Variants in CDH13 observed in about 807,000 individuals in gnomAD.
CDH13 encodes the protein cadherin-13.
CDH13 carries 24 observed loss-of-function variants against 63.8 expected under a neutral mutation model. The observed-to-expected ratio is 0.38, with a 90% CI of 0.27 to 0.53. The LOEUF is 0.53. CDH13 is among the 20% of genes least tolerant of loss of function. CDH13 has a pLI of 0.85. For synonymous variants in CDH13, 503 were observed against 355.3 expected (o/e 1.42, Z -4.67); for missense variants, 1,049 against 903.1 (o/e 1.16, Z -2.07).
chr16:83,660,550 C>T (rs1386581712), intron 8 of CDH13, among the ~76,000 whole-genome samples: 1 of 152,142 alleles, frequency 6.6e-6, no homozygotes, highest in Admixed American at 6.5e-5. Flanking sequence ...TCTGTGTGGC[C>T]CGGTTACTAA....
intron 7 of CDH13, among the ~76,000 whole-genome samples, chr16:83,548,792 G>T (rs1254688154): frequency 6.6e-6 from 1 of 151,842 alleles, no homozygotes; most frequent in Non-Finnish European, 1.5e-5. Flanking sequence ...CCAACCCCCT[G>T]CCTTCCAATA....
At chr16:82,649,807 C>T (rs913194830) in intron 1 of CDH13, among the ~76,000 whole-genome samples, 4 of 152,164 alleles carry the variant, frequency 2.6e-5, no homozygotes, top group African/African-American at 9.7e-5. Flanking sequence ...ACTCCGCTGC[C>T]CTGTAACCTT....
At chr16:82,851,399 C>T (rs915512608) in intron 1 of CDH13, among the ~76,000 whole-genome samples, 1 of 148,344 alleles carries the variant, frequency 6.7e-6, no homozygotes, top group African/African-American at 2.5e-5. Context: ...TGCACCTCTG[C>T]ACTCCAGCCT....
chr16:83,594,339 G>A (rs1196190584), intron 7 of CDH13, among the ~76,000 whole-genome samples: 1 of 152,214 alleles, frequency 6.6e-6, no homozygotes, highest in African/African-American at 2.4e-5. Context: ...CTTTACAGAT[G>A]AGGAAATGGA....
intron 6 of CDH13, among the ~76,000 whole-genome samples, chr16:83,359,848 T>A (rs2091129116): frequency 6.6e-6 from 1 of 152,144 alleles, no homozygotes; most frequent in African/African-American, 2.4e-5. Context: ...ATTCGGTGGT[T>A]TTTAATATAT....
At chr16:82,917,780 T>A (rs1304445184) in intron 2 of CDH13, among the ~76,000 whole-genome samples, 2 of 152,042 alleles carry the variant, frequency 1.3e-5, no homozygotes, top group African/African-American at 2.4e-5. Flanking sequence ...CCAGGCTTGG[T>A]GGCTGGCGCC....
At chr16:83,600,843 T>C (rs1411068384) in intron 7 of CDH13, among the ~76,000 whole-genome samples, 3 of 152,140 alleles carry the variant, frequency 2.0e-5, no homozygotes, top group Admixed American at 6.5e-5. Context: ...ATGAAGCGGC[T>C]CCAGTACAAC....
intron 5 of CDH13, among the ~76,000 whole-genome samples, chr16:83,325,542 G>A (rs1452228067): frequency 6.6e-6 from 1 of 152,192 alleles, no homozygotes; most frequent in East Asian, 1.9e-4. Context: ...TAGCACGAGA[G>A]AAGCCGTAGA....
At chr16:83,247,393 C>T (rs762810521) in intron 5 of CDH13, among the ~76,000 whole-genome samples, 1 of 152,122 alleles carries the variant, frequency 6.6e-6, no homozygotes, top group African/African-American at 2.4e-5. Context: ...TGACTTTGTA[C>T]GTGCTTCAGT....
chr16:83,447,096 C>CTTTTTTTTTTTT lies in CDH13; in HGVS notation c.782-39362_782-39351dup, dbSNP rs750432481. Among the ~76,000 whole-genome samples the CTTTTTTTTTTTT allele has an allele frequency of 8.2e-3, 341 of 41,480 alleles. 41 individuals are homozygous for CTTTTTTTTTTTT. Among genetic ancestry groups the CTTTTTTTTTTTT allele is most frequent in the African/African-American group, 0.014 (160 of 11,738 alleles). 27.2% of individuals were successfully genotyped at this position (41,480 alleles called of 152,430 possible). A position where few individuals can be genotyped will look rare whatever the true frequency, so the allele number is the denominator to read the frequency against. On this transcript the variant is annotated intron_variant, in intron 6 of 13. Coordinates refer to ENST00000567109, the MANE Select transcript of CDH13 (RefSeq NM_001257.5). ...AAAACAAAAAACACCTTATAGTAAC[C>CTTTTTTTTTTTT]TTTTTTTTTTTTTTTTTTTTTTTTT...
chr16:83,645,703 A>G (rs1269137140), intron 8 of CDH13, among the ~76,000 whole-genome samples: 2 of 151,828 alleles, frequency 1.3e-5, no homozygotes, highest in African/African-American at 2.4e-5. Flanking sequence ...GAAAGGCCAC[A>G]TGAGAAGAAC....
chr16:83,007,162 T>C (rs1383046380), intron 2 of CDH13, among the ~76,000 whole-genome samples: 1 of 152,174 alleles, frequency 6.6e-6, no homozygotes, highest in African/African-American at 2.4e-5. Flanking sequence ...CCTAAGGTGA[T>C]CTGCCCACCT....
chr16:83,027,475 G>T (rs545001221), intron 2 of CDH13, among the ~76,000 whole-genome samples: 3 of 152,180 alleles, frequency 2.0e-5, no homozygotes, highest in Non-Finnish European at 4.4e-5. Flanking sequence ...TATACACAAA[G>T]GGTGGGACAG....
intron 4 of CDH13, among the ~76,000 whole-genome samples, chr16:83,147,359 C>G (rs1169250134): frequency 6.6e-6 from 1 of 152,162 alleles, no homozygotes. Context: ...CCTTTGCCTC[C>G]ACTTCCTGCC....
intron 1 of CDH13, among the ~76,000 whole-genome samples, chr16:82,689,640 A>T (rs1168250462): frequency 6.6e-6 from 1 of 152,120 alleles, no homozygotes; most frequent in Non-Finnish European, 1.5e-5. Flanking sequence ...CCTAATGTTT[A>T]ACATAAATCA....
intron 8 of CDH13, among the ~76,000 whole-genome samples, chr16:83,611,233 G>A (rs562945316): frequency 6.6e-6 from 1 of 151,764 alleles, no homozygotes; most frequent in African/African-American, 2.4e-5. Context: ...TTACACTCTG[G>A]CTTTCCTCTT....
chr16:83,620,963 C>G (rs1289486618), intron 8 of CDH13, among the ~76,000 whole-genome samples: 2 of 152,172 alleles, frequency 1.3e-5, no homozygotes, highest in Non-Finnish European at 2.9e-5. Flanking sequence ...TAAACATCCC[C>G]CAGCCAGTGT....
intron 4 of CDH13, among the ~76,000 whole-genome samples, chr16:83,189,730 G>T (rs1356254740): frequency 1.3e-5 from 2 of 152,124 alleles, no homozygotes; most frequent in African/African-American, 4.8e-5. Context: ...AATATTAAAG[G>T]CAAGAGGAAT....
intron 2 of CDH13, among the ~76,000 whole-genome samples, chr16:82,923,661 G>A (rs1017306203): frequency 6.6e-5 from 10 of 152,168 alleles, no homozygotes; most frequent in African/African-American, 2.4e-4. Flanking sequence ...TAGTAGGATA[G>A]CCATGAAAAT....
Sources: gnomAD v4.1 joint callset for allele counts (sites outside exome capture counted in the v4.1 genomes callset) on GRCh38, gnomAD v4.1.1 for gene constraint, MANE v1.5 for transcripts, NCBI Gene and HGNC (gene_info 2026-07-23, HGNC 2026-07-21) for gene names.